AKAP7: variants seen among roughly 807,000 people sequenced by gnomAD.
The protein encoded by AKAP7 is A-kinase anchoring protein 7, also known as A kinase (PRKA) anchor protein 7.
In AKAP7, 39 loss-of-function variants were observed where a neutral mutation model predicts 39.5. The observed-to-expected ratio is 0.99, with a 90% CI of 0.76 to 1.29. The LOEUF (loss-of-function observed/expected upper bound fraction) is 1.29. Among genes scored for constraint, AKAP7 ranks in the 50% most tolerant of loss-of-function variants. The pLI is 0.00. For synonymous variants in AKAP7, 140 were observed against 139.1 expected (o/e 1.01, Z -0.05); for missense variants, 414 against 407.7 (o/e 1.02, Z -0.13).
intron 3 of AKAP7, among the ~76,000 whole-genome samples, chr6:131,161,016 T>C (rs1311425774): frequency 6.6e-6 from 1 of 152,182 alleles, no homozygotes; most frequent in Non-Finnish European, 1.5e-5. Flanking sequence ...AGATTTGAAT[T>C]TCTGTTTGAT....
chr6:131,239,134 C>T lies in AKAP7; in HGVS notation c.850+19326C>T, dbSNP rs531282593. Among the ~76,000 whole-genome samples the T allele has an allele frequency of 2.8e-3, 427 of 152,276 alleles. 2 individuals are homozygous for T. Among genetic ancestry groups the T allele is most frequent in the African/African-American group, 9.9e-3 (412 of 41,530 alleles). Reference sequence around the variant, plus strand: ...ACAAAATCTCTCAGCATTTGCTTGTCTGTAAAGGATTTTATTTTTCCTTCA... The same window carrying T: ...ACAAAATCTCTCAGCATTTGCTTGTTTGTAAAGGATTTTATTTTTCCTTCA... On this transcript the variant is annotated intron_variant, in intron 7 of 7. Transcript: ENST00000431975.
intron 3 of AKAP7, among the ~76,000 whole-genome samples, chr6:131,162,514 C>G (rs1288748207): frequency 6.6e-6 from 1 of 152,110 alleles, no homozygotes; most frequent in Non-Finnish European, 1.5e-5. Context: ...GTGATAATAC[C>G]TCCTTTAGAT....
intron 2 of AKAP7, among the ~76,000 whole-genome samples, chr6:131,149,377 G>A (rs780509362): frequency 1.5e-4 from 23 of 152,334 alleles, no homozygotes; most frequent in African/African-American, 4.6e-4. Context: ...GCTCACACCT[G>A]TAATCCCAGC....
chr6:131,145,519 T>C (rs371914849), intron 2 of AKAP7, 103 bp downstream of exon 2: 40 of 733,612 alleles, frequency 5.5e-5, no homozygotes, highest in Middle Eastern at 4.7e-4. Flanking sequence ...TTAATACTTA[T>C]GTTTTTGAGT....
chr6:131,249,444 G>A (rs1161056050), intron 7 of AKAP7, among the ~76,000 whole-genome samples: 1 of 152,020 alleles, frequency 6.6e-6, no homozygotes, highest in East Asian at 1.9e-4. Context: ...AAAGTAGGTG[G>A]ACTATGTTCA....
chr6:131,257,367 CAA>C (rs10712918), intron 7 of AKAP7, among the ~76,000 whole-genome samples: 3,922 of 89,582 alleles, frequency 0.044, 66 homozygotes, highest in Middle Eastern at 0.084. Context: ...GGCCTTGTCT[CAA>C]AAAAAAAAAA....
chr6:131,276,061 G>A (rs1285555781), intron 7 of AKAP7, among the ~76,000 whole-genome samples: 1 of 152,158 alleles, frequency 6.6e-6, no homozygotes, highest in East Asian at 1.9e-4. Context: ...GAGTTGGGTG[G>A]AGGGACATAC....
chr6:131,143,772 TA>T (rs1801250446), intron 1 of AKAP7, among the ~76,000 whole-genome samples: 1 of 151,290 alleles, frequency 6.6e-6, no homozygotes. Context: ...TTTTATTTTT[TA>T]TTTTTTTATT....
rs151202387 is a variant in AKAP7, at chr6:131,228,095, T to C, written c.850+8287T>C. ...TTACCCTTAGGGGCCAGGGCAGAGATGAGTTGCCCACATCTGGATGTTGCC... is the reference window on the plus strand; with the variant it reads ...TTACCCTTAGGGGCCAGGGCAGAGACGAGTTGCCCACATCTGGATGTTGCC... On this transcript the variant is annotated intron_variant, in intron 7 of 7. Transcript: ENST00000431975. Among the ~76,000 whole-genome samples, 8 of 152,302 alleles carry C rather than the reference T, an allele frequency of 5.3e-5. No homozygotes were observed. The East Asian group carries it at 1.5e-3, about 29-fold the overall frequency.
chr6:131,282,842 TTTC>T lies in AKAP7; in HGVS notation c.*1119_*1121del. 2.6e-6 allele frequency: 1 copy of T among 382,352 alleles called. No individual in the cohort carries two copies. The highest frequency in any genetic ancestry group is 4.2e-5 in the East Asian group (1 of 23,610). 23.7% of individuals were successfully genotyped at this position (382,352 alleles called of 1,614,324 possible). A position where few individuals can be genotyped will look rare whatever the true frequency, so the allele number is the denominator to read the frequency against. On this transcript the variant is annotated 3_prime_UTR_variant, in exon 8 of 8. Coordinates refer to ENST00000431975, the MANE Select transcript of AKAP7 (RefSeq NM_016377.4). ...ATTGAGAGTTATTTTATAGAAATGA[TTTC>T]TTAATTAGCTGTTGTGAGATATTTC...
At chr6:131,200,735 G>A (rs545847173) in intron 6 of AKAP7, 5 of 152,190 alleles carry the variant, frequency 3.3e-5, no homozygotes, top group Admixed American at 2.6e-4. Context: ...GGTATGTTAG[G>A]TAAAAATAAT....
chr6:131,204,246 T>A (rs1033764712), intron 6 of AKAP7, among the ~76,000 whole-genome samples: 1 of 152,136 alleles, frequency 6.6e-6, no homozygotes, highest in South Asian at 2.1e-4. Context: ...TGAAGTATTA[T>A]CAATAATAGG....
chr6:131,223,948 T>TAAG (rs1001244036), intron 7 of AKAP7, among the ~76,000 whole-genome samples: 7 of 152,218 alleles, frequency 4.6e-5, no homozygotes, highest in African/African-American at 1.7e-4. Flanking sequence ...TTTCCCCTTA[T>TAAG]GTGAGGTAGT....
chr6:131,136,230 T>C lies in AKAP7; in HGVS notation c.19+448T>C, dbSNP rs1800528264. On this transcript the variant is annotated intron_variant, in intron 1 of 7. Transcript: ENST00000431975. The stretch of plus-strand genomic sequence containing the variant: ...TCTCATTTAGGATTTTCTGCCAGGT[T>C]TGGACATGACCGCTTTTAAAACTGG... 2.6e-5 allele frequency among the ~76,000 whole-genome samples: 4 copies of C among 152,278 alleles called. 1 individual carries two copies. In the South Asian group the frequency reaches 8.3e-4, roughly 32 times the overall value.
At chr6:131,259,765 G>A (rs890025615) in intron 7 of AKAP7, among the ~76,000 whole-genome samples, 3 of 152,106 alleles carry the variant, frequency 2.0e-5, no homozygotes, top group South Asian at 4.1e-4. Flanking sequence ...ACTATTTTAA[G>A]TCACCGAACA....
chr6:131,206,740 T>G (rs1210622961), intron 6 of AKAP7, among the ~76,000 whole-genome samples: 1 of 152,096 alleles, frequency 6.6e-6, no homozygotes, highest in Non-Finnish European at 1.5e-5. Flanking sequence ...CTTCTATCTA[T>G]CTAGCTACCT....
intron 5 of AKAP7, among the ~76,000 whole-genome samples, chr6:131,193,025 A>G (rs1806568602): frequency 1.3e-5 from 2 of 152,136 alleles, no homozygotes; most frequent in African/African-American, 2.4e-5. Flanking sequence ...TATCATCTGC[A>G]AACAAGGATA....
chr6:131,263,586 C>G (rs1201921346), intron 7 of AKAP7, among the ~76,000 whole-genome samples: 4 of 152,082 alleles, frequency 2.6e-5, no homozygotes, highest in African/African-American at 9.7e-5. Flanking sequence ...GAAAATTTCC[C>G]AGAAGATGGA....
intron 7 of AKAP7, among the ~76,000 whole-genome samples, chr6:131,262,105 C>T (rs1226660018): frequency 5.3e-5 from 8 of 152,022 alleles, no homozygotes; most frequent in African/African-American, 9.7e-5. Context: ...GCCAACTTTG[C>T]TATTGTCTCT....
Sources: gnomAD v4.1 joint callset for allele counts (sites outside exome capture counted in the v4.1 genomes callset) on GRCh38, gnomAD v4.1.1 for gene constraint, MANE v1.5 for transcripts, NCBI Gene and HGNC (gene_info 2026-07-23, HGNC 2026-07-21) for gene names.